The following ZNF766 variants were observed in gnomAD, a reference collection of about 807,000 sequenced individuals.
ZNF766 encodes the protein zinc finger protein 766.
In ZNF766, 13 loss-of-function variants were observed where a neutral mutation model predicts 13.2. The observed-to-expected ratio is 0.98, with a 90% CI of 0.64 to 1.56. The LOEUF is 1.56. Among genes scored for constraint, ZNF766 ranks in the 40% most tolerant of loss-of-function variants. The probability of loss-of-function intolerance (pLI) is 0.00; values close to 1 mark genes in which losing one functional copy is unlikely to be tolerated. For missense variants in ZNF766, 521 were observed against 552.2 expected (o/e 0.94, Z 0.57); for synonymous variants, 178 against 187.6 (o/e 0.95, Z 0.42).
chr19:52,275,835 C>A lies in ZNF766; in HGVS notation c.18+6204C>A, dbSNP rs139872543. ...AGCTGGGATTACAGGCACCCACTTTCATGCCTAGCTAATTTTTGTGTTTTT... is the reference window on the plus strand; with the variant it reads ...AGCTGGGATTACAGGCACCCACTTTAATGCCTAGCTAATTTTTGTGTTTTT... On this transcript the variant is annotated intron_variant, in intron 1 of 3. Coordinates refer to ENST00000439461, the MANE Select transcript of ZNF766 (RefSeq NM_001010851.3). Among the ~76,000 whole-genome samples, 275 of 152,216 alleles carry A rather than the reference C, an allele frequency of 1.8e-3. 8 individuals carry two copies. The East Asian group carries it at 0.038, about 21-fold the overall frequency.
chr19:52,282,290 T>G (rs1981568019), intron 2 of ZNF766, 53 bp downstream of exon 2: 6 of 1,529,042 alleles, frequency 3.9e-6, no homozygotes, highest in Non-Finnish European at 5.3e-6. Flanking sequence ...ATCTCTGCAT[T>G]TTCCCTTGTG....
chr19:52,274,875 C>G (rs114693069), intron 1 of ZNF766, among the ~76,000 whole-genome samples: 72 of 152,222 alleles, frequency 4.7e-4, no homozygotes, highest in African/African-American at 1.7e-3. Flanking sequence ...AGAAAGTACT[C>G]TCAAGGCAAT....
intron 3 of ZNF766, among the ~76,000 whole-genome samples, chr19:52,286,687 A>G (rs533748512): frequency 1.3e-5 from 2 of 152,296 alleles, no homozygotes; most frequent in African/African-American, 2.4e-5. Flanking sequence ...TACATAGACT[A>G]ATGTTCCAAA....
chr19:52,273,919 A>G (rs1981080223), intron 1 of ZNF766, among the ~76,000 whole-genome samples: 1 of 152,178 alleles, frequency 6.6e-6, no homozygotes, highest in East Asian at 1.9e-4. Context: ...TCCCATTCAC[A>G]TACTCAGGTT....
At chr19:52,279,800 T>TC (rs1237523730) in intron 1 of ZNF766, among the ~76,000 whole-genome samples, 1 of 137,966 alleles carries the variant, frequency 7.2e-6, no homozygotes, top group East Asian at 2.0e-4. Context: ...TTTTTTTTTT[T>TC]TTTTTTTTTT....
rs558829011 is a variant in ZNF766 at position 52,292,439 on chromosome 19, G to A, written c.*1241G>A. The A allele has an allele frequency of 3.0e-5, 13 of 435,630 alleles. No homozygotes were observed. Among genetic ancestry groups the A allele is most frequent in the African/African-American group, 2.2e-4 (11 of 49,880 alleles). The allele number at this position is 435,630 out of a possible 1,614,324, so 27.0% of individuals were successfully genotyped here. A position where few individuals can be genotyped will look rare whatever the true frequency, so the allele number is the denominator to read the frequency against. On this transcript the variant is annotated 3_prime_UTR_variant, in exon 4 of 4. Coordinates refer to ENST00000439461, the MANE Select transcript of ZNF766 (RefSeq NM_001010851.3). ...ACTTTAGGACACAGGGATTTTTATG[G>A]GAAGAGAGTTCATCAGGGACTGATT...
intron 1 of ZNF766, among the ~76,000 whole-genome samples, chr19:52,271,814 G>A (rs1386706488): frequency 1.3e-5 from 2 of 151,986 alleles, no homozygotes; most frequent in Admixed American, 6.6e-5. Flanking sequence ...ACAAAAATTA[G>A]CTGGGTGTGG....
At chr19:52,271,016 C>T (rs1193900068) in intron 1 of ZNF766, among the ~76,000 whole-genome samples, 1 of 152,074 alleles carries the variant, frequency 6.6e-6, no homozygotes, top group Non-Finnish European at 1.5e-5. Flanking sequence ...ACTCCTGAGA[C>T]CTCAGGTGAT....
chr19:52,277,555 C>A, intron 1 of ZNF766: 1 of 1,561,166 alleles, frequency 6.4e-7, no homozygotes, highest in Non-Finnish European at 8.6e-7. Flanking sequence ...AAGTGATATT[C>A]TCAGTAGATT....
At chr19:52,276,893 A>AG (rs1345703303) in intron 1 of ZNF766, among the ~76,000 whole-genome samples, 1 of 152,140 alleles carries the variant, frequency 6.6e-6, no homozygotes, top group Non-Finnish European at 1.5e-5. Context: ...TGTGCCCTGA[A>AG]GGGGAGCTTA....
At chr19:52,288,762 A>T (rs1220418758) in intron 3 of ZNF766, among the ~76,000 whole-genome samples, 1 of 149,760 alleles carries the variant, frequency 6.7e-6, no homozygotes, top group Non-Finnish European at 1.5e-5. Flanking sequence ...ATTGCATTTC[A>T]TGAGTTTTGC....
chr19:52,290,576 A>G lies in ZNF766; in HGVS notation c.785A>G (p.Glu262Gly), dbSNP rs368979371. The change falls in exon 4 of 4, where the codon GAG (glutamate) becomes GGG (glycine). Residue 262 changes from glutamate to glycine, a missense_variant. By Grantham distance (98) the Glu-to-Gly change is moderately conservative. Coordinates refer to ENST00000439461, the MANE Select transcript of ZNF766 (RefSeq NM_001010851.3). ...FNRIAYLARHEKVHTGESPYK... is the reference protein window; with the variant it reads ...FNRIAYLARHGKVHTGESPYK... ...CGAATTGCATACCTTGCACGACACG[A>G]GAAAGTGCATACTGGAGAGAGTCCT... The G allele has an allele frequency of 6.2e-7, 1 of 1,614,142 alleles. No individual in the cohort carries two copies. Among genetic ancestry groups the G allele is most frequent in the African/African-American group, 1.3e-5 (1 of 75,064 alleles).
chr19:52,277,113 T>A, intron 1 of ZNF766: 1 of 1,018,028 alleles, frequency 9.8e-7, no homozygotes, highest in Non-Finnish European at 1.2e-6. Context: ...GAAGAAAGTA[T>A]GTTGATTCTA....
intron 1 of ZNF766, among the ~76,000 whole-genome samples, chr19:52,273,507 C>T (rs1364035674): frequency 1.3e-5 from 2 of 152,118 alleles, no homozygotes; most frequent in East Asian, 3.9e-4. Flanking sequence ...CCACACAGAC[C>T]TCTTTCCTGG....
intron 2 of ZNF766, among the ~76,000 whole-genome samples, chr19:52,282,793 A>C (rs142951867): frequency 1.3e-5 from 2 of 152,188 alleles, no homozygotes; most frequent in African/African-American, 4.8e-5. Context: ...ACAAACTTTT[A>C]AAATATCCAG....
chr19:52,272,060 T>TAA (rs967283783), intron 1 of ZNF766, among the ~76,000 whole-genome samples: 1 of 151,780 alleles, frequency 6.6e-6, no homozygotes, highest in African/African-American at 2.4e-5. Context: ...AAAAATATTC[T>TAA]ATTAATTACA....
At chr19:52,276,797 C>A (rs1287549341) in intron 1 of ZNF766, among the ~76,000 whole-genome samples, 1 of 152,196 alleles carries the variant, frequency 6.6e-6, no homozygotes, top group Non-Finnish European at 1.5e-5. Context: ...GCCGTGTTCT[C>A]ATTTCTGAAG....
At chr19:52,286,195 T>C (rs2560902) in intron 3 of ZNF766, among the ~76,000 whole-genome samples, 9,582 of 142,156 alleles carry the variant, frequency 0.067, 903 homozygotes, top group African/African-American at 0.2. Context: ...TTTTCCCCCC[T>C]AATTATAAAG....
chr19:52,275,304 T>C (rs892394269), intron 1 of ZNF766, among the ~76,000 whole-genome samples: 3 of 152,078 alleles, frequency 2.0e-5, no homozygotes, highest in Non-Finnish European at 2.9e-5. Flanking sequence ...CAAGAAAAAG[T>C]TTAGAGAATT....
Sources: gnomAD v4.1 joint callset for allele counts (sites outside exome capture counted in the v4.1 genomes callset) on GRCh38, gnomAD v4.1.1 for gene constraint, MANE v1.5 for transcripts, NCBI Gene and HGNC (gene_info 2026-07-23, HGNC 2026-07-21) for gene names.